The following CALU variants were observed in gnomAD, a reference collection of about 807,000 sequenced individuals.
CALU encodes the protein calumenin.
A neutral mutation model predicts 37.5 loss-of-function variants in CALU; 13 were observed. The observed-to-expected ratio is 0.35, with a 90% CI of 0.23 to 0.55. The LOEUF (loss-of-function observed/expected upper bound fraction) is 0.55. Ranked by LOEUF, CALU falls within the 20% of genes least tolerant of loss-of-function variation. The pLI is 0.89. For synonymous variants in CALU, 114 were observed against 133.8 expected, an observed-to-expected ratio of 0.85 and a Z score of 1.02; for missense variants, 282 against 391.7, an observed-to-expected ratio of 0.72 and a Z score of 2.36.
At position 128,769,043 on chromosome 7, in the gene CALU, A is replaced by G; in HGVS notation, c.844-20A>G. On this transcript the variant is annotated intron_variant, in intron 6 of 6. Coordinates refer to ENST00000249364, the MANE Select transcript of CALU (RefSeq NM_001219.5). ...TGGGAAATATGTTCTTCTTCAATTC[A>G]TTGCTATCTCTACTTTCAGGATGGC... 1 of 1,359,284 alleles carries G rather than the reference A, an allele frequency of 7.4e-7. No individual in the cohort carries two copies. The highest frequency in any genetic ancestry group is 1.1e-6 in the Non-Finnish European group (1 of 949,132). The allele number at this position is 1,359,284 out of a possible 1,614,324, so 84.2% of individuals were successfully genotyped here. A position where few individuals can be genotyped will look rare whatever the true frequency, so the allele number is the denominator to read the frequency against.
chr7:128,742,745 A>G (rs1337603447), intron 1 of CALU, among the ~76,000 whole-genome samples: 1 of 152,196 alleles, frequency 6.6e-6, no homozygotes, highest in Non-Finnish European at 1.5e-5. Flanking sequence ...ACCAATTCTT[A>G]AGACTCATTA....
At chr7:128,744,231 A>C (rs2128877361) in intron 1 of CALU, among the ~76,000 whole-genome samples, 1 of 152,242 alleles carries the variant, frequency 6.6e-6, no homozygotes, top group African/African-American at 2.4e-5. Flanking sequence ...AGTGCACTAA[A>C]GTAGATTTTC....
intron 5 of CALU, among the ~76,000 whole-genome samples, chr7:128,763,254 A>AC (rs1801193824): frequency 6.6e-6 from 1 of 152,090 alleles, no homozygotes; most frequent in Non-Finnish European, 1.5e-5. Flanking sequence ...AATTCGGCCG[A>AC]GCATGGTGGC....
chr7:128,757,636 A>G lies in CALU; in HGVS notation c.416-1235A>G, dbSNP rs116981516. On this transcript the variant is annotated intron_variant, in intron 3 of 6. Transcript: ENST00000249364. ...AAGCAGTGTCATATCCTTTTTATGT[A>G]ATCAATATGTTGCAGGAACAATAAT... 9.2e-3 allele frequency among the ~76,000 whole-genome samples: 1,405 copies of G among 152,226 alleles called. 13 individuals carry two copies. The highest frequency in any genetic ancestry group is 0.016 in the Admixed American group (240 of 15,278).
chr7:128,742,596 A>G (rs1476016281), intron 1 of CALU, among the ~76,000 whole-genome samples: 2 of 152,222 alleles, frequency 1.3e-5, no homozygotes, highest in Non-Finnish European at 2.9e-5. Flanking sequence ...ATTGCTCGCA[A>G]TACTGGTCCA....
At chr7:128,750,132 G>C (rs1490685572) in intron 2 of CALU, among the ~76,000 whole-genome samples, 8 of 151,448 alleles carry the variant, frequency 5.3e-5, no homozygotes, top group Admixed American at 4.6e-4. Context: ...GGAGGCTGAG[G>C]CAGGAGAATG....
At position 128,748,605 on chromosome 7, in the gene CALU, A is replaced by T. The variant is rs758755844; in HGVS notation, c.22A>T (p.Met8Leu). ...TATCATGGACCTGCGACAGTTTCTT[A>T]TGTGCCTGTCCCTGTGCACAGCCTT... MDLRQFL[M>L]CLSLCTAFAL... is the part of the protein sequence containing the mutation. Residue 8 changes from methionine (M) to leucine (L), a missense_variant, in exon 2 of 7, where the codon ATG becomes TTG. By Grantham distance (15) the Met-to-Leu change is conservative. Coordinates refer to ENST00000249364, the MANE Select transcript of CALU (RefSeq NM_001219.5). The T allele has an allele frequency of 6.2e-7, 1 of 1,613,982 alleles. No individual in the cohort carries two copies. Among genetic ancestry groups the T allele is most frequent in the African/African-American group, 1.3e-5 (1 of 74,914 alleles).
chr7:128,755,108 C>A (rs1800822080), intron 3 of CALU, among the ~76,000 whole-genome samples: 1 of 145,040 alleles, frequency 6.9e-6, no homozygotes, highest in African/African-American at 2.6e-5. Flanking sequence ...AGTTTGAGAC[C>A]AATCTGGGCA....
intron 5 of CALU, among the ~76,000 whole-genome samples, chr7:128,763,537 AT>A (rs1352173677): frequency 6.6e-5 from 10 of 152,212 alleles, no homozygotes; most frequent in South Asian, 2.1e-4. Flanking sequence ...TCTCAAAAAA[AT>A]AAAGTAAAAT....
chr7:128,749,659 A>T (rs921713006), intron 2 of CALU, among the ~76,000 whole-genome samples: 1 of 152,256 alleles, frequency 6.6e-6, no homozygotes, highest in African/African-American at 2.4e-5. Flanking sequence ...CATTTTGATC[A>T]TAAGACGTTG....
At chr7:128,739,593 G>T (rs1430290901) in intron 1 of CALU, among the ~76,000 whole-genome samples, 161 bp downstream of exon 1, 1 of 152,090 alleles carries the variant, frequency 6.6e-6, no homozygotes, top group Non-Finnish European at 1.5e-5. Flanking sequence ...GAGATCCCGG[G>T]ACCCTCTGTG....
chr7:128,758,822 A>T, intron 3 of CALU, 49 bp from the exon 4 acceptor site: 3 of 1,311,650 alleles, frequency 2.3e-6, no homozygotes, highest in South Asian at 2.6e-5. Flanking sequence ...ACACATTTTC[A>T]TGTTTTCTGA....
rs547140964 is a variant in CALU, at chr7:128,767,886, G to T, written c.843+231G>T. On this transcript the variant is annotated intron_variant, in intron 6 of 6. Coordinates refer to ENST00000249364, the MANE Select transcript of CALU (RefSeq NM_001219.5). ...TAGCATTGTAGGAAATTTGGCTTCA[G>T]AAAAGAGCCTTTGTGTGTAGCCTGT... is the stretch of plus-strand genomic sequence containing the variant. Among the ~76,000 whole-genome samples, 41 of 152,300 alleles carry T rather than the reference G, an allele frequency of 2.7e-4. No homozygotes were observed. The Middle Eastern group carries it at 0.01, about 38-fold the overall frequency.
At chr7:128,759,223 T>C (rs1801006013) in intron 4 of CALU, among the ~76,000 whole-genome samples, 186 bp downstream of exon 4, 2 of 152,234 alleles carry the variant, frequency 1.3e-5, no homozygotes, top group South Asian at 4.1e-4. Context: ...TTCTGTGACC[T>C]TGATCAAGGT....
intron 5 of CALU, among the ~76,000 whole-genome samples, 162 bp from the exon 6 acceptor site, chr7:128,767,294 G>A (rs1440348816): frequency 2.6e-5 from 4 of 152,200 alleles, no homozygotes; most frequent in African/African-American, 9.7e-5. Context: ...TAAGCCTCAG[G>A]AAAATACCTT....
intron 6 of CALU, among the ~76,000 whole-genome samples, chr7:128,768,730 C>T (rs190987362): frequency 5.9e-5 from 9 of 151,392 alleles, no homozygotes; most frequent in South Asian, 2.1e-4. Flanking sequence ...CCCAGCTACT[C>T]GGGAGGCTGA....
At chr7:128,757,833 A>T (rs538029290) in intron 3 of CALU, among the ~76,000 whole-genome samples, 2 of 152,126 alleles carry the variant, frequency 1.3e-5, no homozygotes, top group East Asian at 3.9e-4. Context: ...TTATATAGAG[A>T]CTAGATAACT....
intron 5 of CALU, among the ~76,000 whole-genome samples, chr7:128,763,249 G>T (rs1037081546): frequency 2.6e-5 from 4 of 151,918 alleles, no homozygotes; most frequent in Admixed American, 1.3e-4. Flanking sequence ...ATAGAAATTC[G>T]GCCGAGCATG....
intron 5 of CALU, 111 bp downstream of exon 5, chr7:128,759,963 A>G: frequency 1.5e-6 from 1 of 656,338 alleles, no homozygotes; most frequent in Non-Finnish European, 2.7e-6. Flanking sequence ...TGGGAGGCCG[A>G]GGCGGGCAGA....
Sources: gnomAD v4.1 joint callset for allele counts (sites outside exome capture counted in the v4.1 genomes callset) on GRCh38, gnomAD v4.1.1 for gene constraint, MANE v1.5 for transcripts, NCBI Gene and HGNC (gene_info 2026-07-23, HGNC 2026-07-21) for gene names.